Variants in NXNL2 observed in about 807,000 individuals in gnomAD.
NXNL2 encodes nucleoredoxin like 2.
In NXNL2, 7 loss-of-function variants were observed where a neutral mutation model predicts 11.1. That is an observed-to-expected ratio of 0.63 (90% CI 0.36 to 1.18). The LOEUF is 1.18. Among genes scored for constraint, NXNL2 ranks in the 50% most tolerant of loss-of-function variants. The pLI is 0.02. For synonymous variants in NXNL2, 109 were observed against 101.8 expected (o/e 1.07, Z -0.42); for missense variants, 233 against 217.7 (o/e 1.07, Z -0.44).
downstream of NXNL2, among the ~76,000 whole-genome samples, chr9:88,576,521 G>A (rs1388297943): frequency 6.6e-6 from 1 of 152,188 alleles, no homozygotes; most frequent in African/African-American, 2.4e-5. Context: ...CTTGCTGAAG[G>A]AGGGAGAGAG....
intron 1 of NXNL2, among the ~76,000 whole-genome samples, chr9:88,540,040 A>G (rs905531438): frequency 2.0e-5 from 3 of 150,096 alleles, no homozygotes; most frequent in African/African-American, 7.3e-5. Context: ...TTTAAATTTT[A>G]GGTGTTGTGC....
At chr9:88,565,698 TG>T (rs1440429124) in intron 1 of NXNL2, among the ~76,000 whole-genome samples, 2 of 152,216 alleles carry the variant, frequency 1.3e-5, no homozygotes, top group South Asian at 2.1e-4. Context: ...ACACCACACC[TG>T]GCTAATTTTG....
At chr9:88,564,706 G>C (rs1830142558) in intron 1 of NXNL2, among the ~76,000 whole-genome samples, 1 of 152,184 alleles carries the variant, frequency 6.6e-6, no homozygotes, top group Admixed American at 6.5e-5. Context: ...GTGAGCCACT[G>C]TGCCCAGCTG....
intron 1 of NXNL2, among the ~76,000 whole-genome samples, chr9:88,560,598 A>C (rs138460629): frequency 6.6e-6 from 1 of 152,176 alleles, no homozygotes; most frequent in South Asian, 2.1e-4. Flanking sequence ...TGGCTATGCC[A>C]GGTTCAAGAG....
chr9:88,550,979 T>A (rs1160365744), intron 1 of NXNL2, among the ~76,000 whole-genome samples: 2 of 152,208 alleles, frequency 1.3e-5, no homozygotes, highest in South Asian at 4.1e-4. Context: ...GGTAGGTGCC[T>A]GGAATTTCCC....
At chr9:88,554,086 G>A (rs76045884) in intron 1 of NXNL2, among the ~76,000 whole-genome samples, 2,099 of 152,274 alleles carry the variant, frequency 0.014, 46 homozygotes, top group African/African-American at 0.047. Flanking sequence ...AATGGTATAT[G>A]ATGAGGTGGT....
chr9:88,575,799 C>T (rs936939619), downstream of NXNL2: 7 of 152,098 alleles, frequency 4.6e-5, no homozygotes, highest in East Asian at 1.9e-4. Context: ...ATGAATACTC[C>T]GATTCTTCAT....
chr9:88,553,028 C>T (rs1052430527), intron 1 of NXNL2, among the ~76,000 whole-genome samples: 1 of 152,168 alleles, frequency 6.6e-6, no homozygotes, highest in Non-Finnish European at 1.5e-5. Flanking sequence ...CCTTCCACTC[C>T]ACATGAAAAA....
intron 1 of NXNL2, chr9:88,538,421 A>G (rs1187933316): frequency 6.6e-6 from 1 of 152,262 alleles, no homozygotes; most frequent in Non-Finnish European, 1.5e-5. Flanking sequence ...TGAGACACCC[A>G]TCAGCCAGAA....
intron 1 of NXNL2, among the ~76,000 whole-genome samples, chr9:88,536,135 C>A (rs1021813739): frequency 2.0e-5 from 3 of 152,182 alleles, no homozygotes; most frequent in Non-Finnish European, 4.4e-5. Flanking sequence ...GCTGCGTCAT[C>A]CTCCCAGTTA....
chr9:88,554,241 T>G lies in NXNL2; in HGVS notation c.303-16846T>G, dbSNP rs114634839. ...ATGTTTTTGAGATGGAGTCTCCCTTTGTCACCCAGGCGGGAGTGAAGTGGT... is the reference window on the plus strand; with the variant it reads ...ATGTTTTTGAGATGGAGTCTCCCTTGGTCACCCAGGCGGGAGTGAAGTGGT... On this transcript the variant is annotated intron_variant, in intron 1 of 2. Coordinates refer to the NXNL2 transcript ENST00000375855. Among the ~76,000 whole-genome samples the G allele has an allele frequency of 7.6e-3, 1,150 of 152,262 alleles. 17 individuals carry two copies. Among genetic ancestry groups the G allele is most frequent in the African/African-American group, 0.026 (1,068 of 41,562 alleles).
rs1829815463 is a variant in NXNL2, at chr9:88,544,242, G to A, written c.303-137G>A. The A allele has an allele frequency of 8.0e-6, 5 of 628,898 alleles. No homozygotes were observed. In the South Asian group the frequency reaches 9.6e-5, roughly 12 times the overall value. 39.0% of individuals were successfully genotyped at this position (628,898 alleles called of 1,614,324 possible). ...AAGGAGCCCCCACCCCAGCAGGAGG[G>A]AGAGCAGGAGCAGGCTGGGTGGGGC... On this transcript the variant is annotated intron_variant, in intron 1 of 1. Transcript: ENST00000375854.
downstream of NXNL2, among the ~76,000 whole-genome samples, chr9:88,545,570 T>C (rs1261556152): frequency 1.3e-5 from 2 of 152,020 alleles, no homozygotes; most frequent in Non-Finnish European, 2.9e-5. Context: ...AATTAATTAG[T>C]CCCTTCAATC....
Position 88,551,512 on chromosome 9 carries a change from C to T in NXNL2, c.302+15776C>T, listed in dbSNP as rs1829931681. ...CTCTCTTCTCTCCCTCCTTTCCCTT[C>T]CTATCTCTCTTTCATGGCATTCTGT... On this transcript the variant is annotated intron_variant, in intron 1 of 2. Transcript: ENST00000375855. Among the ~76,000 whole-genome samples the T allele has an allele frequency of 2.0e-5, 3 of 152,234 alleles. No individual in the cohort carries two copies. In the South Asian group the frequency reaches 6.2e-4, roughly 32 times the overall value.
At chr9:88,565,581 A>G (rs1043163154) in intron 1 of NXNL2, among the ~76,000 whole-genome samples, 2 of 152,144 alleles carry the variant, frequency 1.3e-5, no homozygotes, top group Non-Finnish European at 2.9e-5. Context: ...TGTCTTGCCC[A>G]GGCTGGAGTG....
chr9:88,542,525 T>G (rs1028067635), intron 1 of NXNL2, among the ~76,000 whole-genome samples: 5 of 151,998 alleles, frequency 3.3e-5, no homozygotes, highest in African/African-American at 1.2e-4. Context: ...CCTGACTTCA[T>G]GATCTGCCCA....
At chr9:88,535,836 C>A (rs1690096042) in intron 1 of NXNL2, 100 bp downstream of exon 1, 1 of 875,000 alleles carries the variant, frequency 1.1e-6, no homozygotes, top group Non-Finnish European at 1.7e-6. Flanking sequence ...ATGACGCCCC[C>A]CCCCAACACC....
chr9:88,559,391 G>A (rs1029954796), intron 1 of NXNL2, among the ~76,000 whole-genome samples: 5 of 152,154 alleles, frequency 3.3e-5, no homozygotes, highest in Admixed American at 6.5e-5. Flanking sequence ...GCTGCAACAC[G>A]AGCTTGTCCC....
intron 1 of NXNL2, among the ~76,000 whole-genome samples, chr9:88,543,126 G>T (rs1345404674): frequency 6.6e-6 from 1 of 152,130 alleles, no homozygotes; most frequent in Non-Finnish European, 1.5e-5. Flanking sequence ...CCACTCATCA[G>T]GTTATAGATA....
Sources: gnomAD v4.1 joint callset for allele counts (sites outside exome capture counted in the v4.1 genomes callset) on GRCh38, gnomAD v4.1.1 for gene constraint, MANE v1.5 for transcripts, NCBI Gene and HGNC (gene_info 2026-07-23, HGNC 2026-07-21) for gene names.